PCDH9: variants seen among roughly 807,000 people sequenced by gnomAD.
PCDH9 encodes protocadherin-9.
Under a neutral mutation model 70.6 loss-of-function variants are expected in PCDH9, and 24 were observed. The observed-to-expected ratio is 0.34, with a 90% CI of 0.25 to 0.48. PCDH9 has a LOEUF of 0.48. Among genes scored for constraint, PCDH9 ranks in the 20% least tolerant of loss-of-function variants. The probability of loss-of-function intolerance (pLI) is 0.99; values close to 1 mark genes in which losing one functional copy is unlikely to be tolerated. For synonymous variants in PCDH9, 562 were observed against 558.5 expected (o/e 1.01, Z -0.09); for missense variants, 1,281 against 1,503.6 (o/e 0.85, Z 2.45).
Position 66,807,581 on chromosome 13 carries a change from C to T in PCDH9, c.3138+95923G>A, listed in dbSNP as rs372968089. On this transcript the variant is annotated intron_variant, in intron 3 of 4. Transcript: ENST00000377865. ...TGGGAATAACTACTGTTTTAATGAGCTTTAAGTGAGATAATTTATATAAAG... is the reference window on the plus strand; with the variant it reads ...TGGGAATAACTACTGTTTTAATGAGTTTTAAGTGAGATAATTTATATAAAG... 5.3e-5 allele frequency among the ~76,000 whole-genome samples: 8 copies of T among 152,176 alleles called. 1 individual carries two copies. The highest frequency in any genetic ancestry group is 1.9e-4 in the African/African-American group (8 of 41,528).
chr13:66,622,769 C>T (rs749142724), intron 4 of PCDH9, among the ~76,000 whole-genome samples: 2 of 152,136 alleles, frequency 1.3e-5, no homozygotes, highest in African/African-American at 4.8e-5. Flanking sequence ...GCAGGCTGCC[C>T]GGGCAGGCAG....
chr13:66,957,068 C>A (rs2083275835), intron 2 of PCDH9, among the ~76,000 whole-genome samples: 1 of 152,172 alleles, frequency 6.6e-6, no homozygotes, highest in Admixed American at 6.5e-5. Flanking sequence ...CATAACAATG[C>A]TTTGTAGTTA....
At chr13:67,048,011 A>C (rs2085255387) in intron 2 of PCDH9, among the ~76,000 whole-genome samples, 1 of 152,172 alleles carries the variant, frequency 6.6e-6, no homozygotes, top group African/African-American at 2.4e-5. Context: ...TCTTTTCAGA[A>C]ACAGAAAAAT....
At chr13:66,550,908 A>G (rs1473516772) in intron 4 of PCDH9, among the ~76,000 whole-genome samples, 4 of 152,198 alleles carry the variant, frequency 2.6e-5, no homozygotes, top group Non-Finnish European at 5.9e-5. Flanking sequence ...ATGATACTCT[A>G]GACTAATATC....
intron 3 of PCDH9, among the ~76,000 whole-genome samples, chr13:66,851,111 A>T (rs542549300): frequency 1.7e-4 from 26 of 152,328 alleles, no homozygotes; most frequent in Admixed American, 9.8e-4. Context: ...TGAAAATATA[A>T]AGTATAACAA....
intron 2 of PCDH9, among the ~76,000 whole-genome samples, chr13:67,160,121 C>T (rs1192796151): frequency 6.6e-6 from 1 of 152,164 alleles, no homozygotes; most frequent in East Asian, 1.9e-4. Flanking sequence ...TTCTCTTCAG[C>T]CTTGTAGATT....
At chr13:66,375,536 G>C (rs1278800872) in intron 4 of PCDH9, among the ~76,000 whole-genome samples, 3 of 152,062 alleles carry the variant, frequency 2.0e-5, no homozygotes, top group Non-Finnish European at 2.9e-5. Context: ...GTGACAGAAA[G>C]GAGTGTCTTC....
chr13:66,739,438 G>A (rs938373089), intron 3 of PCDH9, among the ~76,000 whole-genome samples: 5 of 150,676 alleles, frequency 3.3e-5, no homozygotes, highest in Non-Finnish European at 7.4e-5. Context: ...ATCAACTAAC[G>A]AGCAAAATCA....
chr13:66,392,460 G>T (rs17081229), intron 4 of PCDH9, among the ~76,000 whole-genome samples: 2,808 of 152,122 alleles, frequency 0.018, 85 homozygotes, highest in African/African-American at 0.065. Context: ...ACCACTCATT[G>T]AATTAAAAGT....
chr13:66,376,614 T>C (rs1254896325), intron 4 of PCDH9, among the ~76,000 whole-genome samples: 1 of 152,130 alleles, frequency 6.6e-6, no homozygotes, highest in Non-Finnish European at 1.5e-5. Context: ...AAAATACAAG[T>C]ATTTTTCAAT....
At position 66,304,104 on chromosome 13, in the gene PCDH9, T is replaced by G. The variant is rs1364137628; in HGVS notation, c.*551A>C. The G allele has an allele frequency of 6.6e-6, 1 of 152,442 alleles. No individual in the cohort carries two copies. The highest frequency in any genetic ancestry group is 1.5e-5 in the Non-Finnish European group (1 of 68,028). 9.4% of individuals were successfully genotyped at this position (152,442 alleles called of 1,614,324 possible). On this transcript the variant is annotated 3_prime_UTR_variant, in exon 5 of 5. Transcript: ENST00000377865. ...AACATTATAAGTACACAAAAGTTGT[T>G]AATAATAGCTTGCTTCTATTTACAA... is the stretch of plus-strand genomic sequence containing the variant.
intron 2 of PCDH9, among the ~76,000 whole-genome samples, chr13:66,944,817 C>CTCTGTGTGTGTG (rs779023332): frequency 7.4e-6 from 1 of 135,450 alleles, no homozygotes; most frequent in African/African-American, 2.8e-5. Flanking sequence ...CTAATCGTCT[C>CTCTGTGTGTGTG]TGTGTGTGTG....
At chr13:67,099,918 A>C (rs1420130820) in intron 2 of PCDH9, among the ~76,000 whole-genome samples, 1 of 152,184 alleles carries the variant, frequency 6.6e-6, no homozygotes, top group Non-Finnish European at 1.5e-5. Context: ...GAAATATAAT[A>C]ATGGGTCCCC....
At chr13:67,148,479 T>A (rs2087578055) in intron 2 of PCDH9, among the ~76,000 whole-genome samples, 1 of 152,128 alleles carries the variant, frequency 6.6e-6, no homozygotes, top group African/African-American at 2.4e-5. Flanking sequence ...GTAATTATGT[T>A]GTTTCTTGTT....
intron 4 of PCDH9, among the ~76,000 whole-genome samples, chr13:66,457,312 A>G (rs947294375): frequency 2.0e-5 from 3 of 152,094 alleles, no homozygotes; most frequent in Non-Finnish European, 4.4e-5. Flanking sequence ...GTGAGGCTTC[A>G]ATATGTTTAT....
chr13:66,952,646 C>A (rs1248024471), intron 2 of PCDH9, among the ~76,000 whole-genome samples: 1 of 152,106 alleles, frequency 6.6e-6, no homozygotes, highest in Non-Finnish European at 1.5e-5. Flanking sequence ...GCTACCCATT[C>A]CTCAATGCTA....
chr13:66,686,696 C>T lies in PCDH9; in HGVS notation c.3139-55285G>A, dbSNP rs2078408219. On this transcript the variant is annotated intron_variant, in intron 3 of 4. Transcript: ENST00000377865. ...ACTTCCTACCACTTTACCACATTTG[C>T]TAATCAGTGTGTAGTTTGGTGAGTG... Among the ~76,000 whole-genome samples, 6 of 152,174 alleles carry T rather than the reference C, an allele frequency of 3.9e-5. 1 individual carries two copies. The South Asian group carries it at 1.2e-3, about 32-fold the overall frequency.
intron 4 of PCDH9, among the ~76,000 whole-genome samples, chr13:66,423,447 G>C (rs574682140): frequency 4.0e-5 from 6 of 151,636 alleles, no homozygotes; most frequent in Admixed American, 1.3e-4. Context: ...CTGGCAAACC[G>C]AATCCAGCAG....
chr13:66,347,857 G>A (rs944545904), intron 4 of PCDH9, among the ~76,000 whole-genome samples: 2 of 152,160 alleles, frequency 1.3e-5, no homozygotes, highest in Non-Finnish European at 2.9e-5. Context: ...TCAGACACTG[G>A]AGTTGACATG....
Sources: gnomAD v4.1 joint callset for allele counts (sites outside exome capture counted in the v4.1 genomes callset) on GRCh38, gnomAD v4.1.1 for gene constraint, MANE v1.5 for transcripts, NCBI Gene and HGNC (gene_info 2026-07-23, HGNC 2026-07-21) for gene names.